STK32C: variants seen among roughly 807,000 people sequenced by gnomAD.
The protein encoded by STK32C is serine/threonine kinase 32C.
A neutral mutation model predicts 56.5 loss-of-function variants in STK32C; 31 were observed. The ratio of observed to expected loss-of-function variants is 0.55; its 90% CI spans 0.41 to 0.74. The LOEUF is 0.74. Ranked by LOEUF, STK32C falls within the 30% of genes least tolerant of loss-of-function variation. STK32C has a pLI of 0.00. For missense variants in STK32C, 544 were observed against 676.9 expected (o/e 0.80, Z 2.18); for synonymous variants, 309 against 289.4 (o/e 1.07, Z -0.69).
intron 10 of STK32C, among the ~76,000 whole-genome samples, chr10:132,221,528 C>T (rs1217996554): frequency 7.7e-5 from 11 of 142,690 alleles, no homozygotes; most frequent in South Asian, 2.4e-4. Flanking sequence ...CTAATATCAA[C>T]GCACCTGGGC....
chr10:132,267,749 C>T (rs375761769), intron 1 of STK32C, among the ~76,000 whole-genome samples: 10 of 97,850 alleles, frequency 1.0e-4, no homozygotes, highest in Admixed American at 1.1e-4. Flanking sequence ...GTGTGTGTGT[C>T]GGTGCGTGTG....
Position 132,290,888 on chromosome 10 carries a change from G to A in STK32C, c.262+16684C>T, listed in dbSNP as rs561567168. The stretch of plus-strand genomic sequence containing the variant: ...CCAAGCCCAGGGCCACCATGTCCAG[G>A]GATACCCATCCAGACCCACCACACC... On this transcript the variant is annotated intron_variant, in intron 1 of 11. Transcript: ENST00000298630. 3.9e-4 allele frequency among the ~76,000 whole-genome samples: 60 copies of A among 152,090 alleles called. 1 individual carries two copies. Among genetic ancestry groups the A allele is most frequent in the African/African-American group, 1.4e-3 (58 of 41,472 alleles).
exon 2 of STK32C, chr10:132,324,057 C>A: frequency 1.7e-6 from 1 of 601,604 alleles, no homozygotes; most frequent in Non-Finnish European, 3.0e-6. Context: ...ACCTTAAACC[C>A]CACCTCCCAA....
At chr10:132,208,929 C>A in intron 11 of STK32C, 105 bp downstream of exon 11, 1 of 1,049,698 alleles carries the variant, frequency 9.5e-7, no homozygotes, top group South Asian at 1.5e-5. Flanking sequence ...CAGGGCCACG[C>A]ACCCCAGGCC....
chr10:132,274,294 G>A (rs367737948), intron 1 of STK32C, among the ~76,000 whole-genome samples: 4 of 152,186 alleles, frequency 2.6e-5, no homozygotes, highest in African/African-American at 9.7e-5. Flanking sequence ...GGGTAATGTG[G>A]CGTCTGAATC....
Position 132,307,910 on chromosome 10 carries a change from G to C in STK32C, c.-77C>G, listed in dbSNP as rs961512254. The C allele has an allele frequency of 1.7e-5, 19 of 1,102,344 alleles. No individual in the cohort carries two copies. In the East Asian group the frequency reaches 8.6e-4, roughly 50 times the overall value. 68.3% of individuals were successfully genotyped at this position (1,102,344 alleles called of 1,614,324 possible). ...CAGGGCCGGGAGCGGCAGTGGTAGC[G>C]GGAGCGCTCGGGGCCGGCAGCGCCC... On this transcript the variant is annotated 5_prime_UTR_variant, in exon 1 of 12. Transcript: ENST00000298630. The surrounding 1 kb of genome is among the most constrained non-coding windows in gnomAD (Gnocchi z 4.4).
intron 1 of STK32C, among the ~76,000 whole-genome samples, chr10:132,250,746 C>G (rs1207368290): frequency 6.6e-6 from 1 of 152,236 alleles, no homozygotes; most frequent in Non-Finnish European, 1.5e-5. Context: ...CTGAACCTTC[C>G]ACGTCTCCGC....
At chr10:132,280,946 C>T (rs1454718317) in intron 1 of STK32C, among the ~76,000 whole-genome samples, 6 of 151,104 alleles carry the variant, frequency 4.0e-5, no homozygotes, top group Admixed American at 4.0e-4. Context: ...CACGCCACTG[C>T]ACTCCCTGAC....
At chr10:132,331,638 C>G (rs569034827) in exon 1 of STK32C, 1 of 1,612,764 alleles carries the variant, frequency 6.2e-7, no homozygotes, top group South Asian at 1.1e-5. Context: ...GAGGACCGCT[C>G]CAAAGGTGGT....
rs149249276 is a variant in STK32C, at chr10:132,224,460, T to C, written c.940A>G (p.Ser314Gly). The stretch of plus-strand genomic sequence containing the variant: ...GACCACGTGGGGACATACTGGACGC[T>C]CACGGTGCTGAACAGCTGCACCAGG... ...ESLVQLFSTV[S>G]VQYVPTWSKE... Residue 314 changes from serine (S) to glycine (G), a missense_variant, in exon 8 of 12, where the codon AGC becomes GGC. Physicochemically the swap from Ser to Gly is moderately conservative, Grantham distance 56. Coordinates refer to ENST00000298630, the MANE Select transcript of STK32C (RefSeq NM_173575.4). 69 of 1,570,104 alleles carry C rather than the reference T, an allele frequency of 4.4e-5. No individual in the cohort carries two copies. The East Asian group carries it at 1.2e-3, about 28-fold the overall frequency.
chr10:132,329,115 C>G (rs992871292), intron 1 of STK32C, among the ~76,000 whole-genome samples: 4 of 152,254 alleles, frequency 2.6e-5, no homozygotes, highest in Non-Finnish European at 5.9e-5. Context: ...ATAAATGTGT[C>G]TACCCCGGGC....
rs2062147765 is a variant in STK32C, at chr10:132,207,877, G to A, written c.*133C>T. 9.4e-7 allele frequency: 1 copy of A among 1,069,388 alleles called. No homozygotes were observed. The highest frequency in any genetic ancestry group is 1.2e-6 in the Non-Finnish European group (1 of 836,644). 66.2% of individuals were successfully genotyped at this position (1,069,388 alleles called of 1,614,324 possible). A position where few individuals can be genotyped will look rare whatever the true frequency, so the allele number is the denominator to read the frequency against. Reference sequence around the variant, plus strand: ...CCACCACGAGCCTGAGGTGTGAAATGTGTCCGGGGCACTGTGGGCACCGCC... The same window carrying A: ...CCACCACGAGCCTGAGGTGTGAAATATGTCCGGGGCACTGTGGGCACCGCC... On this transcript the variant is annotated 3_prime_UTR_variant, in exon 12 of 12. Transcript: ENST00000298630.
At chr10:132,308,239 G>A (rs1241178413), upstream of STK32C, among the ~76,000 whole-genome samples, 1 of 152,144 alleles carries the variant, frequency 6.6e-6, no homozygotes, top group Non-Finnish European at 1.5e-5. Context: ...CAGACTAGAC[G>A]GCGGGTACGA....
At chr10:132,228,565 G>A (rs2062979547) in intron 2 of STK32C, among the ~76,000 whole-genome samples, 1 of 152,260 alleles carries the variant, frequency 6.6e-6, no homozygotes, top group South Asian at 2.1e-4. Flanking sequence ...GTGAGTTGGA[G>A]CCAAGCAGTG....
chr10:132,230,786 G>C (rs1254186115), intron 2 of STK32C, among the ~76,000 whole-genome samples: 1 of 151,474 alleles, frequency 6.6e-6, no homozygotes, highest in Non-Finnish European at 1.5e-5. Flanking sequence ...TGTCGCTTGT[G>C]CACCACCCCA....
At chr10:132,246,071 A>T in intron 1 of STK32C, 116 bp from the exon 2 acceptor site, 3 of 1,068,364 alleles carry the variant, frequency 2.8e-6, no homozygotes, top group African/African-American at 1.5e-5. Context: ...TCATCCTAGA[A>T]GAGGGTCGCC....
chr10:132,251,111 T>C (rs1411995324), intron 1 of STK32C, among the ~76,000 whole-genome samples: 1 of 152,120 alleles, frequency 6.6e-6, no homozygotes, highest in Non-Finnish European at 1.5e-5. Context: ...ATCTGCCTCC[T>C]ATCTGCCACA....
At chr10:132,260,821 C>T (rs1432558116) in intron 1 of STK32C, among the ~76,000 whole-genome samples, 3 of 152,242 alleles carry the variant, frequency 2.0e-5, no homozygotes, top group African/African-American at 7.2e-5. Flanking sequence ...ACGCCCAACA[C>T]CACAGTGGCA....
At chr10:132,209,147 T>C (rs1397532956) in intron 10 of STK32C, 46 bp from the exon 11 acceptor site, 1 of 1,567,882 alleles carries the variant, frequency 6.4e-7, no homozygotes, top group East Asian at 2.2e-5. Flanking sequence ...GCTGTCCAGG[T>C]TCCGCCCATG....
Sources: allele counts gnomAD v4.1 joint callset (sites outside exome capture counted in the v4.1 genomes callset), GRCh38; gene constraint gnomAD v4.1.1; non-coding constraint Gnocchi (gnomAD v3.1); transcripts MANE v1.5; gene names NCBI Gene and HGNC (gene_info 2026-07-23, HGNC 2026-07-21).